The following ARHGEF6 variants were observed in gnomAD, a reference collection of about 807,000 sequenced individuals.
The protein encoded by ARHGEF6 is rho guanine nucleotide exchange factor 6.
ARHGEF6 carries 9 observed loss-of-function variants against 70.3 expected under a neutral mutation model. The ratio of observed to expected loss-of-function variants is 0.13; its 90% CI spans 0.08 to 0.22. ARHGEF6 has a LOEUF of 0.22. Among genes scored for constraint, ARHGEF6 ranks in the 10% least tolerant of loss-of-function variants. The pLI is 1.00. For missense variants in ARHGEF6, 470 were observed against 563.0 expected, an observed-to-expected ratio of 0.83 and a Z score of 1.67; for synonymous variants, 201 against 207.8, an observed-to-expected ratio of 0.97 and a Z score of 0.28.
intron 6 of ARHGEF6, among the ~76,000 whole-genome samples, chrX:136,717,185 T>C (rs1239243676): frequency 9.1e-6 from 1 of 110,287 alleles, no homozygotes; most frequent in Non-Finnish European, 1.9e-5. Flanking sequence ...CTCCAGAAAA[T>C]CAAAAATAAA....
chrX:136,730,302 T>A (rs1461629295), intron 6 of ARHGEF6, among the ~76,000 whole-genome samples: 1 of 111,050 alleles, frequency 9.0e-6, no homozygotes, highest in Non-Finnish European at 1.9e-5. Context: ...ATGAAATAGA[T>A]TTTTTTTATT....
chrX:136,761,389 G>A (rs1471466124), intron 2 of ARHGEF6, among the ~76,000 whole-genome samples: 1 of 111,683 alleles, frequency 9.0e-6, no homozygotes, highest in Non-Finnish European at 1.9e-5. Flanking sequence ...CAATATCACG[G>A]AAATTTAAAC....
chrX:136,771,561 C>T (rs1040070220), intron 2 of ARHGEF6, among the ~76,000 whole-genome samples: 1 of 112,011 alleles, frequency 8.9e-6, no homozygotes, highest in Non-Finnish European at 1.9e-5. Flanking sequence ...GTACCTCCTA[C>T]CATATACAAA....
chrX:136,731,606 A>G (rs17002696), intron 6 of ARHGEF6, among the ~76,000 whole-genome samples: 11,938 of 112,087 alleles, frequency 0.11, 1,329 homozygotes, highest in African/African-American at 0.34. Context: ...TTTAAGCCAG[A>G]GCCATGTCAT....
intron 2 of ARHGEF6, among the ~76,000 whole-genome samples, chrX:136,759,265 T>C (rs983258259): frequency 4.5e-5 from 5 of 112,263 alleles, no homozygotes; most frequent in Non-Finnish European, 9.4e-5. Context: ...GACCTCCTCA[T>C]GAAGAACATA....
chrX:136,705,459 AT>A, intron 9 of ARHGEF6, among the ~76,000 whole-genome samples: 1 of 111,982 alleles, frequency 8.9e-6, no homozygotes, highest in Admixed American at 9.4e-5. Context: ...TAATAAAAAT[AT>A]TTTTTAGAAG....
At chrX:136,718,653 T>C (rs937150241) in intron 6 of ARHGEF6, among the ~76,000 whole-genome samples, 3 of 111,565 alleles carry the variant, frequency 2.7e-5, no homozygotes, top group African/African-American at 6.5e-5. Context: ...TTAGAACTTT[T>C]AGTATGATAA....
rs200953161 is a variant in ARHGEF6, at chrX:136,727,503, TCCTCCCTC to T, written c.732+4591_732+4598del. Among the ~76,000 whole-genome samples, 9 of 97,475 alleles carry T rather than the reference TCCTCCCTC, an allele frequency of 9.2e-5. 1 individual carries two copies. The South Asian group carries it at 4.8e-3, about 52-fold the overall frequency. 84.6% of individuals were successfully genotyped at this position (97,475 alleles called of 115,157 possible). A position where few individuals can be genotyped will look rare whatever the true frequency, so the allele number is the denominator to read the frequency against. ...TTTCCTTCTCTCCTTCTCTCTCTCTTCCTCCCTCCCTCCCTCCCTCTCTCTCTCTCTTT... is the reference window on the plus strand; with the variant it reads ...TTTCCTTCTCTCCTTCTCTCTCTCTTCCTCCCTCCCTCTCTCTCTCTCTTT... On this transcript the variant is annotated intron_variant, in intron 6 of 21. Coordinates refer to ENST00000250617, the MANE Select transcript of ARHGEF6 (RefSeq NM_004840.3).
intron 2 of ARHGEF6, among the ~76,000 whole-genome samples, chrX:136,770,937 C>T (rs982108513): frequency 5.3e-5 from 6 of 112,390 alleles, no homozygotes; most frequent in African/African-American, 1.9e-4. Flanking sequence ...TTTGAGACTG[C>T]AGTGAGCTGT....
At chrX:136,730,680 T>C (rs2076926226) in intron 6 of ARHGEF6, among the ~76,000 whole-genome samples, 1 of 112,086 alleles carries the variant, frequency 8.9e-6, no homozygotes, top group Non-Finnish European at 1.9e-5. Context: ...GTGATATATA[T>C]AAGCTATTCA....
chrX:136,680,925 C>T, intron 14 of ARHGEF6, 49 bp from the exon 15 acceptor site: 1 of 1,191,821 alleles, frequency 8.4e-7, no homozygotes, highest in East Asian at 3.0e-5. Flanking sequence ...CAAGGAAAAA[C>T]TTGAGCTTGT....
At chrX:136,690,397 T>C (rs893007539) in intron 10 of ARHGEF6, among the ~76,000 whole-genome samples, 29 of 110,711 alleles carry the variant, frequency 2.6e-4, no homozygotes, top group Non-Finnish European at 4.7e-4. Context: ...GGGAGAATGA[T>C]CATTAATATC....
At chrX:136,688,998 A>G (rs903052988) in intron 10 of ARHGEF6, among the ~76,000 whole-genome samples, 1 of 111,804 alleles carries the variant, frequency 8.9e-6, no homozygotes, top group Non-Finnish European at 1.9e-5. Context: ...AGCTGGAGTA[A>G]GGGAAGACTA....
At chrX:136,718,824 C>T (rs1384167946) in intron 6 of ARHGEF6, among the ~76,000 whole-genome samples, 2 of 109,472 alleles carry the variant, frequency 1.8e-5, no homozygotes, top group Non-Finnish European at 3.8e-5. Flanking sequence ...ACAAAAGAAA[C>T]ATTTTCTTTG....
intron 2 of ARHGEF6, among the ~76,000 whole-genome samples, chrX:136,756,656 ATCC>A (rs958945811): frequency 9.8e-5 from 11 of 111,819 alleles, no homozygotes; most frequent in Non-Finnish European, 2.1e-4. Flanking sequence ...CATGCCCAAA[ATCC>A]TCCTAACACC....
At chrX:136,712,937 T>C (rs1052716425) in intron 7 of ARHGEF6, among the ~76,000 whole-genome samples, 1 of 111,580 alleles carries the variant, frequency 9.0e-6, no homozygotes, top group African/African-American at 3.3e-5. Flanking sequence ...AATTTCCAGT[T>C]TATGTGCTTT....
In ARHGEF6 at chrX:136,721,022, T is replaced by C. The variant is rs749723349; in HGVS notation, c.733-7652A>G. On this transcript the variant is annotated intron_variant, in intron 6 of 21. Transcript: ENST00000250617. Reference sequence around the variant, plus strand: ...TAAATAAATGGGGAGATATCCTATATTCATGGGTAGAAAGACTCAATATTA... The same window carrying C: ...TAAATAAATGGGGAGATATCCTATACTCATGGGTAGAAAGACTCAATATTA... Among the ~76,000 whole-genome samples the C allele has an allele frequency of 1.3e-3, 143 of 112,292 alleles. 1 individual carries two copies. Among genetic ancestry groups the C allele is most frequent in the African/African-American group, 4.0e-3 (125 of 31,021 alleles).
At chrX:136,672,617 T>C (rs2076236465) in intron 19 of ARHGEF6, among the ~76,000 whole-genome samples, 1 of 112,204 alleles carries the variant, frequency 8.9e-6, no homozygotes, top group African/African-American at 3.2e-5. Context: ...TTTACAGTCT[T>C]ATAGGGTAAG....
chrX:136,763,471 T>G (rs2077282851), intron 2 of ARHGEF6, among the ~76,000 whole-genome samples: 1 of 112,274 alleles, frequency 8.9e-6, no homozygotes, highest in Admixed American at 9.4e-5. Context: ...ATCTTTCATC[T>G]AACAAACCCT....
Sources: gnomAD v4.1 joint callset for allele counts (sites outside exome capture counted in the v4.1 genomes callset) on GRCh38, gnomAD v4.1.1 for gene constraint, MANE v1.5 for transcripts, NCBI Gene and HGNC (gene_info 2026-07-23, HGNC 2026-07-21) for gene names.